Variants in KIFC3 observed in about 807,000 individuals in gnomAD.
The protein encoded by KIFC3 is kinesin-like protein KIFC3.
KIFC3 carries 60 observed loss-of-function variants against 101.8 expected under a neutral mutation model. The ratio of observed to expected loss-of-function variants is 0.59; its 90% CI spans 0.48 to 0.73. The LOEUF (loss-of-function observed/expected upper bound fraction) is 0.73, where lower values mean the gene tolerates loss of function less well. Among genes scored for constraint, KIFC3 ranks in the 30% least tolerant of loss-of-function variants. The pLI is 0.00. For missense variants in KIFC3, 966 were observed against 1,137.1 expected, an observed-to-expected ratio of 0.85 and a Z score of 2.16; for synonymous variants, 476 against 482.7, an observed-to-expected ratio of 0.99 and a Z score of 0.18.
chr16:57,770,805 A>G, intron 6 of KIFC3, 105 bp from the exon 7 acceptor site: 9 of 1,040,290 alleles, frequency 8.7e-6, no homozygotes, highest in Non-Finnish European at 1.0e-5. Flanking sequence ...GGAACATCCC[A>G]CTCAGAAACC....
chr16:57,779,707 G>A (rs971570671), intron 3 of KIFC3, among the ~76,000 whole-genome samples: 1 of 152,016 alleles, frequency 6.6e-6, no homozygotes, highest in South Asian at 2.1e-4. Context: ...CCAGCTATGC[G>A]GGAGCCGGAG....
intron 1 of KIFC3, among the ~76,000 whole-genome samples, chr16:57,859,792 C>T (rs536052875): frequency 7.9e-5 from 12 of 151,844 alleles, no homozygotes; most frequent in Admixed American, 2.0e-4. Flanking sequence ...GAGGCTGAGG[C>T]GGGCAGACCA....
At chr16:57,783,279 G>A (rs74022041) in intron 3 of KIFC3, among the ~76,000 whole-genome samples, 18,523 of 152,174 alleles carry the variant, frequency 0.12, 1,346 homozygotes, top group African/African-American at 0.19. Flanking sequence ...GGTTGCCAGG[G>A]GCTGTGGGGC....
intron 1 of KIFC3, among the ~76,000 whole-genome samples, chr16:57,848,869 T>G (rs750338992): frequency 2.0e-5 from 3 of 152,244 alleles, no homozygotes; most frequent in African/African-American, 7.2e-5. Flanking sequence ...CTGGCAACTG[T>G]GACCTTAAAC....
At position 57,766,993 on chromosome 16, in the gene KIFC3, G is replaced by A; in HGVS notation, c.1219-8C>T. 3 of 1,609,858 alleles carry A rather than the reference G, an allele frequency of 1.9e-6. No homozygotes were observed. Among genetic ancestry groups the A allele is most frequent in the Non-Finnish European group, 2.5e-6 (3 of 1,177,394 alleles). On this transcript the variant is annotated splice_polypyrimidine_tract_variant and splice_region_variant and intron_variant, in intron 9 of 19. Coordinates refer to ENST00000445690, the MANE Select transcript of KIFC3 (RefSeq NM_001130100.2). Reference sequence around the variant, plus strand: ...CTCGATGGCCTGGCCTATCTGGTGGGGGGTGCACACCACTGTCAGGGGGAC... The same window carrying A: ...CTCGATGGCCTGGCCTATCTGGTGGAGGGTGCACACCACTGTCAGGGGGAC...
chr16:57,858,614 C>CT (rs371219838), intron 1 of KIFC3, among the ~76,000 whole-genome samples: 6 of 151,066 alleles, frequency 4.0e-5, no homozygotes, highest in South Asian at 2.1e-4. Context: ...ACAAACATAG[C>CT]TTTTTTTTTA....
chr16:57,819,019 C>T (rs1229467141), intron 1 of KIFC3, among the ~76,000 whole-genome samples: 1 of 152,140 alleles, frequency 6.6e-6, no homozygotes, highest in Non-Finnish European at 1.5e-5. Flanking sequence ...GAGACAGTAG[C>T]AGGTGTGGCA....
rs573127458 is a variant in KIFC3 at position 57,814,689 on chromosome 16, G to A, written c.109-16407C>T. On this transcript the variant is annotated intron_variant, in intron 1 of 2. Coordinates refer to the KIFC3 transcript ENST00000563028. ...CACCCAGGCTGGAGTGCAGTGGTGC[G>A]ATCTCAGCTCACTGCAACCTCTGCC... 4.6e-5 allele frequency among the ~76,000 whole-genome samples: 7 copies of A among 151,838 alleles called. No homozygotes were observed. In the South Asian group the frequency reaches 8.3e-4, roughly 18 times the overall value.
chr16:57,803,352 A>G (rs976058208), upstream of KIFC3: 18 of 643,672 alleles, frequency 2.8e-5, no homozygotes, highest in Non-Finnish European at 4.9e-5. Flanking sequence ...ATTTTATTCC[A>G]GAGCCAGCAG....
chr16:57,774,988 T>C, intron 3 of KIFC3: 1 of 1,533,952 alleles, frequency 6.5e-7, no homozygotes, highest in Non-Finnish European at 8.7e-7. Context: ...ACCTTGATCA[T>C]CTCCACTGCC....
At chr16:57,857,946 C>T (rs1199479911) in intron 1 of KIFC3, among the ~76,000 whole-genome samples, 1 of 151,026 alleles carries the variant, frequency 6.6e-6, no homozygotes, top group Admixed American at 6.6e-5. Context: ...CCTGCCTCAG[C>T]CTCCCGAGTA....
chr16:57,788,630 G>C (rs1555618878), intron 3 of KIFC3: 17 of 1,289,560 alleles, frequency 1.3e-5, no homozygotes, highest in East Asian at 5.5e-5. Flanking sequence ...GGGCCCGCCT[G>C]GGGGCCGGCG....
At chr16:57,854,888 A>C (rs247062) in intron 1 of KIFC3, among the ~76,000 whole-genome samples, 80,616 of 151,938 alleles carry the variant, frequency 0.53, 22,416 homozygotes, top group East Asian at 0.66. Context: ...AAGTGCTTGA[A>C]AGTTACACAA....
At chr16:57,855,968 CA>C (rs377376419) in intron 1 of KIFC3, among the ~76,000 whole-genome samples, 181 of 145,900 alleles carry the variant, frequency 1.2e-3, no homozygotes, top group African/African-American at 3.9e-3. Flanking sequence ...AAACCAAAAA[CA>C]AAAACAAACT....
At chr16:57,780,667 A>ATTTTTTTTTTTTTTTTT (rs1191334568) in intron 3 of KIFC3, among the ~76,000 whole-genome samples, 1 of 69,956 alleles carries the variant, frequency 1.4e-5, no homozygotes, top group East Asian at 5.1e-4. Context: ...CTGAAGACAA[A>ATTTTTTTTTTTTTTTTT]TTTTTTTTTT....
chr16:57,840,361 G>A (rs1417947562), intron 1 of KIFC3, among the ~76,000 whole-genome samples: 1 of 151,968 alleles, frequency 6.6e-6, no homozygotes, highest in African/African-American at 2.4e-5. Flanking sequence ...AACCTAGCTT[G>A]CCAGACACAG....
chr16:57,759,081 G>GGGCA (rs2049484186), intron 19 of KIFC3, 44 bp downstream of exon 19: 1 of 1,547,482 alleles, frequency 6.5e-7, no homozygotes. Flanking sequence ...AACCCACTGC[G>GGGCA]GGCAGGCAGG....
intron 9 of KIFC3, among the ~76,000 whole-genome samples, chr16:57,767,276 T>C (rs182892257): frequency 7.2e-4 from 110 of 152,326 alleles, no homozygotes; most frequent in Non-Finnish European, 3.7e-4. Flanking sequence ...TGCTTGACTA[T>C]GTGATTCAGC....
chr16:57,797,516 G>C (rs1470067615), intron 2 of KIFC3, among the ~76,000 whole-genome samples: 3 of 152,216 alleles, frequency 2.0e-5, no homozygotes, highest in African/African-American at 7.2e-5. Flanking sequence ...TGGGGGCCAA[G>C]ACTCTGGGAC....
Sources: gnomAD v4.1 joint callset for allele counts (sites outside exome capture counted in the v4.1 genomes callset) on GRCh38, gnomAD v4.1.1 for gene constraint, MANE v1.5 for transcripts, NCBI Gene and HGNC (gene_info 2026-07-23, HGNC 2026-07-21) for gene names.